MANBAL: variants seen among roughly 807,000 people sequenced by gnomAD.
The protein encoded by MANBAL is mannosidase beta like, also known as protein MANBAL.
A neutral mutation model predicts 6.4 loss-of-function variants in MANBAL; 1 was observed. The observed-to-expected ratio is 0.16, with a 90% CI of 0.06 to 0.74. The LOEUF is 0.74. Ranked by LOEUF, MANBAL falls within the 30% of genes least tolerant of loss-of-function variation. The probability of loss-of-function intolerance (pLI) is 0.78; values close to 1 mark genes in which losing one functional copy is unlikely to be tolerated. For synonymous variants in MANBAL, 47 were observed against 45.8 expected (o/e 1.03, Z -0.10); for missense variants, 100 against 107.8 (o/e 0.93, Z 0.32).
intron 1 of MANBAL, among the ~76,000 whole-genome samples, chr20:37,299,330 T>C (rs958000065): frequency 6.6e-6 from 1 of 152,176 alleles, no homozygotes; most frequent in African/African-American, 2.4e-5. Context: ...CTGCCCACCG[T>C]GGCCTCCCAA....
chr20:37,315,566 T>A (rs2069493003), intron 2 of MANBAL, among the ~76,000 whole-genome samples: 1 of 152,242 alleles, frequency 6.6e-6, no homozygotes, highest in Non-Finnish European at 1.5e-5. Flanking sequence ...GAACTTTGTT[T>A]CATTTCAATC....
At chr20:37,309,267 C>A (rs2069328002) in intron 2 of MANBAL, among the ~76,000 whole-genome samples, 1 of 152,138 alleles carries the variant, frequency 6.6e-6, no homozygotes, top group African/African-American at 2.4e-5. Flanking sequence ...TCGGGATTGA[C>A]AGGTGAGAGA....
At chr20:37,292,196 T>G (rs753038523) in intron 1 of MANBAL, among the ~76,000 whole-genome samples, 4 of 152,226 alleles carry the variant, frequency 2.6e-5, no homozygotes, top group Non-Finnish European at 4.4e-5. Context: ...GCCCCATGCT[T>G]AAAGGCAGAG....
At chr20:37,311,320 G>A (rs189773897) in intron 2 of MANBAL, among the ~76,000 whole-genome samples, 6 of 152,338 alleles carry the variant, frequency 3.9e-5, no homozygotes, top group Admixed American at 2.6e-4. Flanking sequence ...GCTGCACGAC[G>A]GGGCCTGCCT....
intron 2 of MANBAL, among the ~76,000 whole-genome samples, chr20:37,310,220 G>C (rs1265606602): frequency 3.3e-5 from 5 of 152,244 alleles, no homozygotes; most frequent in African/African-American, 9.6e-5. Flanking sequence ...AGTCCACATG[G>C]ATGGCCTTCC....
chr20:37,301,175 A>G, intron 1 of MANBAL, 33 bp from the exon 2 acceptor site: 5 of 1,179,004 alleles, frequency 4.2e-6, no homozygotes, highest in Non-Finnish European at 5.6e-6. Context: ...TGTCAGTTAC[A>G]GAAATATGAC....
intron 2 of MANBAL, among the ~76,000 whole-genome samples, chr20:37,306,014 C>T (rs1417931197): frequency 6.6e-6 from 1 of 151,890 alleles, no homozygotes; most frequent in Non-Finnish European, 1.5e-5. Context: ...ACGGGGTACT[C>T]TTAGGGAGAA....
chr20:37,303,720 G>A (rs2069193399), intron 2 of MANBAL, among the ~76,000 whole-genome samples: 1 of 152,192 alleles, frequency 6.6e-6, no homozygotes, highest in South Asian at 2.1e-4. Flanking sequence ...CTCTCCCATT[G>A]GATACCCACA....
intron 1 of MANBAL, among the ~76,000 whole-genome samples, chr20:37,289,973 C>T (rs747461468): frequency 6.6e-6 from 1 of 152,234 alleles, no homozygotes; most frequent in African/African-American, 2.4e-5. Flanking sequence ...CGGGCCTTTC[C>T]TCCCACGGGT....
In MANBAL at chr20:37,301,402, T is replaced by G; in HGVS notation, c.139T>G (p.Ser47Ala). 1 of 1,611,684 alleles carries G rather than the reference T, an allele frequency of 6.2e-7. No homozygotes were observed. The highest frequency in any genetic ancestry group is 1.1e-5 in the South Asian group (1 of 90,786). The change falls in exon 2 of 3, where the codon TCC (serine) becomes GCC (alanine). Residue 47 changes from serine to alanine, a missense_variant. Ser to Ala is a moderately conservative substitution (Grantham distance 99, BLOSUM62 1). Transcript: ENST00000373606. The part of the protein sequence containing the change: ...VLAIIVPIPK[S>A]HEAEAEPSEP... ...GGCCATCATCGTACCCATTCCCAAG[T>G]CCCACGAGGCGGTGAGTTTTTCCCT...
chr20:37,316,420 G>A lies in MANBAL; in HGVS notation c.*5G>A, dbSNP rs1172585041. The A allele has an allele frequency of 6.2e-7, 1 of 1,610,932 alleles. No homozygotes were observed. Among genetic ancestry groups the A allele is most frequent in the South Asian group, 1.1e-5 (1 of 90,918 alleles). On this transcript the variant is annotated 3_prime_UTR_variant, in exon 3 of 3. Transcript: ENST00000373606. The stretch of plus-strand genomic sequence containing the variant: ...GAGACTAAGAAGAAGCGGTAGAAGA[G>A]GAGGCCTGAGGAGCTGGGCGGGCAG...
At chr20:37,305,594 A>G (rs2069238918) in intron 2 of MANBAL, among the ~76,000 whole-genome samples, 1 of 151,934 alleles carries the variant, frequency 6.6e-6, no homozygotes, top group South Asian at 2.1e-4. Flanking sequence ...AGTACATGAC[A>G]TCTCTCATTT....
chr20:37,297,365 G>A (rs2069021120), intron 1 of MANBAL: 1 of 152,122 alleles, frequency 6.6e-6, no homozygotes, highest in Non-Finnish European at 1.5e-5. Context: ...TCCTTCCTGG[G>A]AGGATGAAGA....
At chr20:37,294,950 A>G (rs2068959807) in intron 1 of MANBAL, among the ~76,000 whole-genome samples, 1 of 152,200 alleles carries the variant, frequency 6.6e-6, no homozygotes, top group Non-Finnish European at 1.5e-5. Flanking sequence ...TCATGAAATT[A>G]TTTGCCACGT....
chr20:37,312,821 T>C (rs2069418315), intron 2 of MANBAL, among the ~76,000 whole-genome samples: 1 of 152,218 alleles, frequency 6.6e-6, no homozygotes, highest in Non-Finnish European at 1.5e-5. Context: ...GTTGTTATTA[T>C]TGGCAGCTAT....
intron 2 of MANBAL, among the ~76,000 whole-genome samples, chr20:37,314,594 C>G (rs1297879647): frequency 6.6e-6 from 1 of 152,144 alleles, no homozygotes; most frequent in Non-Finnish European, 1.5e-5. Flanking sequence ...AGTAGGGGGA[C>G]CTTCAGATCA....
At chr20:37,314,119 C>T (rs2069449590) in intron 2 of MANBAL, among the ~76,000 whole-genome samples, 1 of 152,136 alleles carries the variant, frequency 6.6e-6, no homozygotes, top group Non-Finnish European at 1.5e-5. Context: ...GTGGGCGGAA[C>T]TGAAGGGGGA....
At chr20:37,289,886 G>T (rs940084634) in intron 1 of MANBAL, among the ~76,000 whole-genome samples, 200 bp downstream of exon 1, 16 of 152,248 alleles carry the variant, frequency 1.1e-4, no homozygotes, top group African/African-American at 3.9e-4. Context: ...CCCGGGAGGC[G>T]GAGGGCCTCG....
At chr20:37,303,541 A>G (rs528428406) in intron 2 of MANBAL, among the ~76,000 whole-genome samples, 1 of 152,178 alleles carries the variant, frequency 6.6e-6, no homozygotes, top group African/African-American at 2.4e-5. Flanking sequence ...ACATTAACAA[A>G]ATGATGTATC....
Sources: allele counts gnomAD v4.1 joint callset (sites outside exome capture counted in the v4.1 genomes callset), GRCh38; gene constraint gnomAD v4.1.1; transcripts MANE v1.5; gene names NCBI Gene and HGNC (gene_info 2026-07-23, HGNC 2026-07-21).